The following ADAP2 variants were observed in gnomAD, a reference collection of about 807,000 sequenced individuals.
ADAP2 encodes ArfGAP with dual PH domains 2.
A neutral mutation model predicts 54.9 loss-of-function variants in ADAP2; 42 were observed. The observed-to-expected ratio is 0.77, with a 90% CI of 0.60 to 0.99. The LOEUF (loss-of-function observed/expected upper bound fraction) is 0.99, where lower values mean the gene tolerates loss of function less well. ADAP2 is among the 50% of genes least tolerant of loss of function. The probability of loss-of-function intolerance (pLI) is 0.00; values close to 1 mark genes in which losing one functional copy is unlikely to be tolerated. For missense variants in ADAP2, 429 were observed against 480.4 expected (o/e 0.89, Z 1.00); for synonymous variants, 177 against 180.1 (o/e 0.98, Z 0.14).
At chr17:30,946,557 C>A (rs1375323954) in intron 6 of ADAP2, among the ~76,000 whole-genome samples, 1 of 152,026 alleles carries the variant, frequency 6.6e-6, no homozygotes, top group Non-Finnish European at 1.5e-5. Context: ...TCTGCCCAGT[C>A]AGAGATGAAT....
At chr17:30,942,916 G>C (rs1289871057) in intron 5 of ADAP2, among the ~76,000 whole-genome samples, 1 of 152,240 alleles carries the variant, frequency 6.6e-6, no homozygotes, top group African/African-American at 2.4e-5. Context: ...TGGTGAGGTT[G>C]TGGAGAAAAG....
chr17:30,931,794 A>C, intron 3 of ADAP2, 95 bp from the exon 4 acceptor site: 1 of 853,296 alleles, frequency 1.2e-6, no homozygotes, highest in South Asian at 1.5e-5. Flanking sequence ...ACACCACTGC[A>C]CTCCAGCCTG....
chr17:30,931,844 A>AT, intron 3 of ADAP2, 45 bp from the exon 4 acceptor site: 4 of 1,409,416 alleles, frequency 2.8e-6, no homozygotes, highest in South Asian at 2.5e-5. Flanking sequence ...AAAAAAAAAA[A>AT]GAGAATGCAT....
intron 3 of ADAP2, among the ~76,000 whole-genome samples, chr17:30,927,678 C>G (rs1244415304): frequency 6.6e-6 from 1 of 151,680 alleles, no homozygotes; most frequent in African/African-American, 2.4e-5. Flanking sequence ...CTCGGGCTGG[C>G]TCTAAACAAC....
In ADAP2 at chr17:30,957,997, GC is replaced by G; in HGVS notation, c.*130del. The G allele has an allele frequency of 2.2e-6, 2 of 903,414 alleles. No homozygotes were observed. The highest frequency in any genetic ancestry group is 3.6e-6 in the Non-Finnish European group (2 of 561,948). The allele number at this position is 903,414 out of a possible 1,614,324, so 56.0% of individuals were successfully genotyped here. On this transcript the variant is annotated 3_prime_UTR_variant, in exon 11 of 11. Coordinates refer to ENST00000330889, the MANE Select transcript of ADAP2 (RefSeq NM_018404.3). ...GCAGCCATTCCTGGCAGTGAACTCT[GC>G]CAGGACTGAAGCTGTGGCTTTATCC...
At position 30,958,998 on chromosome 17, in the gene ADAP2, T is replaced by G. The variant is rs894976706; in HGVS notation, c.*1129T>G. 1 of 152,118 alleles carries G rather than the reference T, an allele frequency of 6.6e-6. No homozygotes were observed. Among genetic ancestry groups the G allele is most frequent in the African/African-American group, 2.4e-5 (1 of 41,424 alleles). 9.4% of individuals were successfully genotyped at this position (152,118 alleles called of 1,614,324 possible). ...TCCTGAAGCTTCTCGACTGCCCAGA[T>G]AGGGAGGTGAGTCCTCTCTATCTCC... is the stretch of plus-strand genomic sequence containing the variant. On this transcript the variant is annotated 3_prime_UTR_variant, in exon 11 of 11. Transcript: ENST00000330889.
intron 2 of ADAP2, among the ~76,000 whole-genome samples, chr17:30,925,709 C>T (rs1369081616): frequency 6.6e-6 from 1 of 151,656 alleles, no homozygotes; most frequent in Non-Finnish European, 1.5e-5. Context: ...AATTCTTGTG[C>T]CTCAGCCTCC....
chr17:30,925,131 G>A (rs1215697926), intron 2 of ADAP2, among the ~76,000 whole-genome samples: 1 of 150,580 alleles, frequency 6.6e-6, no homozygotes, highest in Non-Finnish European at 1.5e-5. Flanking sequence ...TGATCCACCC[G>A]CCTCGGCCTC....
At chr17:30,931,268 G>A (rs1911456754) in intron 3 of ADAP2, among the ~76,000 whole-genome samples, 1 of 152,156 alleles carries the variant, frequency 6.6e-6, no homozygotes, top group Admixed American at 6.6e-5. Flanking sequence ...CCCACTGGGA[G>A]AAATATTTCC....
At chr17:30,936,501 T>C (rs1378318380) in intron 5 of ADAP2, among the ~76,000 whole-genome samples, 1 of 152,188 alleles carries the variant, frequency 6.6e-6, no homozygotes, top group African/African-American at 2.4e-5. Context: ...TTCATGGGTA[T>C]GAAGTCGTAT....
chr17:30,949,864 C>T (rs1002706211), intron 7 of ADAP2, among the ~76,000 whole-genome samples: 33 of 152,136 alleles, frequency 2.2e-4, no homozygotes, highest in African/African-American at 7.7e-4. Flanking sequence ...TCCAGGGGAG[C>T]CTGCGGGGGT....
In ADAP2 at chr17:30,922,068, G is replaced by T. The variant is rs2232270; in HGVS notation, c.54G>T (p.Pro18=). 3 of 1,270,910 alleles carry T rather than the reference G, an allele frequency of 2.4e-6. No individual in the cohort carries two copies. The highest frequency in any genetic ancestry group is 3.2e-5 in the East Asian group (1 of 31,526). 78.7% of individuals were successfully genotyped at this position (1,270,910 alleles called of 1,614,324 possible). Residue 18 remains proline, a synonymous_variant, in exon 1 of 11, where the codon CCG becomes CCT. Coordinates refer to ENST00000330889, the MANE Select transcript of ADAP2 (RefSeq NM_018404.3). ...GGCTGCTGGAGCTGCTGCGGGCGCCGGACACAGGCAACGCGCACTGCGCCG... is the reference window on the plus strand; with the variant it reads ...GGCTGCTGGAGCTGCTGCGGGCGCCTGACACAGGCAACGCGCACTGCGCCG... ...KKRLLELLRA[P]DTGNAHCADC... is the part of the protein sequence containing the mutation.
intron 5 of ADAP2, 91 bp downstream of exon 5, chr17:30,934,388 T>C: frequency 1.2e-6 from 1 of 853,580 alleles, no homozygotes; most frequent in South Asian, 1.7e-5. Flanking sequence ...CCTTTTCTTG[T>C]AGATAATCTC....
At chr17:30,941,398 G>T (rs1048049473) in intron 5 of ADAP2, among the ~76,000 whole-genome samples, 1 of 152,032 alleles carries the variant, frequency 6.6e-6, no homozygotes. Context: ...ATTTTGTTGG[G>T]GATTTGTCCC....
At chr17:30,935,387 A>G (rs1439330772) in intron 5 of ADAP2, among the ~76,000 whole-genome samples, 1 of 152,118 alleles carries the variant, frequency 6.6e-6, no homozygotes, top group Non-Finnish European at 1.5e-5. Context: ...AAGAAGTAAA[A>G]TAGCGGAGAG....
rs1250520283 is a variant in ADAP2 at position 30,948,528 on chromosome 17, C to T, written c.658-759C>T. On this transcript the variant is annotated intron_variant, in intron 6 of 10. Coordinates refer to ENST00000330889, the MANE Select transcript of ADAP2 (RefSeq NM_018404.3). ...GAGGTTGCAGTGAGCCAAGATCGCACCACTGCACACTCTAGCCTCGGCGAC... is the reference window on the plus strand; with the variant it reads ...GAGGTTGCAGTGAGCCAAGATCGCATCACTGCACACTCTAGCCTCGGCGAC... Among the ~76,000 whole-genome samples, 3 of 152,020 alleles carry T rather than the reference C, an allele frequency of 2.0e-5. No individual in the cohort carries two copies. The East Asian group carries it at 5.8e-4, about 29-fold the overall frequency.
At chr17:30,935,242 C>T (rs1216608539) in intron 5 of ADAP2, among the ~76,000 whole-genome samples, 1 of 152,152 alleles carries the variant, frequency 6.6e-6, no homozygotes, top group Non-Finnish European at 1.5e-5. Context: ...GTGGTGCATG[C>T]CTGTAATCCC....
chr17:30,923,534 G>A (rs1249892778), intron 2 of ADAP2, among the ~76,000 whole-genome samples: 1 of 151,548 alleles, frequency 6.6e-6, no homozygotes, highest in Non-Finnish European at 1.5e-5. Context: ...AAAGTGCTGG[G>A]ATTACAGGCC....
At chr17:30,936,689 G>A (rs1300194704) in intron 5 of ADAP2, among the ~76,000 whole-genome samples, 1 of 152,088 alleles carries the variant, frequency 6.6e-6, no homozygotes, top group African/African-American at 2.4e-5. Flanking sequence ...GGCCGAGGTG[G>A]GCAGATCAGG....
Sources: allele counts gnomAD v4.1 joint callset (sites outside exome capture counted in the v4.1 genomes callset), GRCh38; gene constraint gnomAD v4.1.1; transcripts MANE v1.5; gene names NCBI Gene and HGNC (gene_info 2026-07-23, HGNC 2026-07-21).